SPAG1: variants seen among roughly 807,000 people sequenced by gnomAD.
SPAG1 encodes sperm associated antigen 1, also known as sperm-associated antigen 1.
In SPAG1, 69 loss-of-function variants were observed where a neutral mutation model predicts 100.5. The ratio of observed to expected loss-of-function variants is 0.69; its 90% CI spans 0.57 to 0.84. SPAG1 has a LOEUF of 0.84. Ranked by LOEUF, SPAG1 falls within the 40% of genes least tolerant of loss-of-function variation. The probability of loss-of-function intolerance (pLI) is 0.00; values close to 1 mark genes in which losing one functional copy is unlikely to be tolerated. For synonymous variants in SPAG1, 336 were observed against 411.6 expected (o/e 0.82, Z 2.22); for missense variants, 955 against 1,133.1 (o/e 0.84, Z 2.26).
intron 3 of SPAG1, among the ~76,000 whole-genome samples, chr8:100,168,531 C>G (rs1362842406): frequency 6.7e-6 from 1 of 150,158 alleles, no homozygotes; most frequent in Non-Finnish European, 1.5e-5. Context: ...GTAGCTGGGA[C>G]CACAGGTGTG....
intron 10 of SPAG1, among the ~76,000 whole-genome samples, chr8:100,197,377 G>A (rs1189207414): frequency 3.3e-5 from 5 of 151,902 alleles, no homozygotes; most frequent in Non-Finnish European, 7.4e-5. Context: ...ATAAATAGCC[G>A]GAAACTCAGA....
At chr8:100,228,000 G>A (rs1364245826) in intron 14 of SPAG1, among the ~76,000 whole-genome samples, 2 of 151,684 alleles carry the variant, frequency 1.3e-5, no homozygotes, top group Non-Finnish European at 2.9e-5. Context: ...GTGTGCCACC[G>A]TGTCTGGCTA....
At chr8:100,221,772 T>C (rs1248446806) in intron 13 of SPAG1, among the ~76,000 whole-genome samples, 1 of 152,176 alleles carries the variant, frequency 6.6e-6, no homozygotes, top group African/African-American at 2.4e-5. Context: ...TGAAGGATGC[T>C]GAGAGAACAT....
chr8:100,162,219 C>G, intron 1 of SPAG1, 60 bp from the exon 2 acceptor site: 2 of 1,325,764 alleles, frequency 1.5e-6, no homozygotes, highest in Non-Finnish European at 2.1e-6. Context: ...ATGGTTACCA[C>G]TATCCAAATT....
At chr8:100,196,157 T>G (rs1002986025) in intron 10 of SPAG1, among the ~76,000 whole-genome samples, 1 of 152,222 alleles carries the variant, frequency 6.6e-6, no homozygotes, top group African/African-American at 2.4e-5. Flanking sequence ...TATTCACTAA[T>G]CATGAGTAAA....
chr8:100,207,988 TC>T (rs1282236406), intron 10 of SPAG1, among the ~76,000 whole-genome samples: 1 of 151,974 alleles, frequency 6.6e-6, no homozygotes, highest in Non-Finnish European at 1.5e-5. Context: ...ATGGTACTCT[TC>T]CCCCCATAGC....
At chr8:100,226,868 A>G (rs1017242166) in intron 14 of SPAG1, among the ~76,000 whole-genome samples, 2 of 152,234 alleles carry the variant, frequency 1.3e-5, no homozygotes, top group African/African-American at 4.8e-5. Flanking sequence ...CACATATATG[A>G]CAGTGATCCC....
At chr8:100,189,434 G>A (rs542304244) in intron 8 of SPAG1, among the ~76,000 whole-genome samples, 11 of 152,098 alleles carry the variant, frequency 7.2e-5, no homozygotes, top group East Asian at 1.9e-4. Flanking sequence ...CTGAGATCAC[G>A]CCACTGCACT....
intron 8 of SPAG1, 69 bp downstream of exon 8, chr8:100,187,319 T>C: frequency 8.0e-7 from 1 of 1,244,190 alleles, no homozygotes; most frequent in Non-Finnish European, 1.1e-6. Flanking sequence ...TTGTAGATAC[T>C]TGTAATGTTT....
At chr8:100,231,417 A>G (rs1035716951) in intron 15 of SPAG1, 129 bp downstream of exon 15, 9 of 618,778 alleles carry the variant, frequency 1.5e-5, no homozygotes, top group Admixed American at 3.2e-5. Flanking sequence ...GAATTTCTAT[A>G]GCAAGCTGTC....
chr8:100,200,349 A>G (rs370370024), intron 10 of SPAG1, among the ~76,000 whole-genome samples: 1 of 152,164 alleles, frequency 6.6e-6, no homozygotes, highest in Non-Finnish European at 1.5e-5. Flanking sequence ...TCTATCATTG[A>G]TGGACATTTG....
At chr8:100,198,851 C>G (rs1817144489) in intron 10 of SPAG1, among the ~76,000 whole-genome samples, 2 of 152,166 alleles carry the variant, frequency 1.3e-5, no homozygotes, top group Non-Finnish European at 2.9e-5. Flanking sequence ...ATTTGCCTAT[C>G]TTGAGTATTT....
rs115746917 is a variant in SPAG1 at position 100,206,097 on chromosome 8, A to G, written c.1097-6993A>G. Among the ~76,000 whole-genome samples, 652 of 150,456 alleles carry G rather than the reference A, an allele frequency of 4.3e-3. 6 individuals are homozygous for G. The highest frequency in any genetic ancestry group is 0.012 in the African/African-American group (487 of 40,838). ...GTGAGTCCCATCACATTCCCATTCA[A>G]CTTCCCCATTTGGCCTGTGCAGAAG... On this transcript the variant is annotated intron_variant, in intron 10 of 18. Transcript: ENST00000388798.
At chr8:100,184,511 T>A in intron 6 of SPAG1, 117 bp from the exon 7 acceptor site, 3 of 525,434 alleles carry the variant, frequency 5.7e-6, no homozygotes, top group Non-Finnish European at 9.7e-6. Context: ...TTCTTTTGTT[T>A]ATTTTATGAT....
intron 7 of SPAG1, among the ~76,000 whole-genome samples, chr8:100,185,595 A>G (rs1379404943): frequency 6.6e-6 from 1 of 152,246 alleles, no homozygotes; most frequent in Non-Finnish European, 1.5e-5. Context: ...TAGATGTTCA[A>G]TAAATATGTA....
chr8:100,189,371 G>A (rs55667926), intron 8 of SPAG1, among the ~76,000 whole-genome samples: 25,488 of 152,126 alleles, frequency 0.17, 2,458 homozygotes, highest in South Asian at 0.23. Flanking sequence ...CAACAACTTG[G>A]GAGGCTGAGG....
chr8:100,188,826 GCAT>G (rs1478056667), intron 8 of SPAG1, among the ~76,000 whole-genome samples: 1 of 152,194 alleles, frequency 6.6e-6, no homozygotes, highest in Admixed American at 6.5e-5. Context: ...GAAGCCTGGT[GCAT>G]CACCTGCCAC....
intron 12 of SPAG1, among the ~76,000 whole-genome samples, chr8:100,218,994 G>A (rs1169722802): frequency 6.6e-6 from 1 of 152,174 alleles, no homozygotes; most frequent in Non-Finnish European, 1.5e-5. Flanking sequence ...GACAGGCAAT[G>A]CCAATTGCCT....
At chr8:100,236,962 T>C (rs1819034892) in intron 16 of SPAG1, among the ~76,000 whole-genome samples, 1 of 152,262 alleles carries the variant, frequency 6.6e-6, no homozygotes, top group African/African-American at 2.4e-5. Context: ...CTATTAATGG[T>C]AAATATCACA....
Sources: allele counts gnomAD v4.1 joint callset (sites outside exome capture counted in the v4.1 genomes callset), GRCh38; gene constraint gnomAD v4.1.1; transcripts MANE v1.5; gene names NCBI Gene and HGNC (gene_info 2026-07-23, HGNC 2026-07-21).